The following TASP1 variants were observed in gnomAD, a reference collection of about 807,000 sequenced individuals.
The protein encoded by TASP1 is threonine aspartase 1.
TASP1 carries 16 observed loss-of-function variants against 56.6 expected under a neutral mutation model. That is an observed-to-expected ratio of 0.28 (90% confidence interval 0.19 to 0.43). The LOEUF (loss-of-function observed/expected upper bound fraction) is 0.43, where lower values mean the gene tolerates loss of function less well. Among genes scored for constraint, TASP1 ranks in the 20% least tolerant of loss-of-function variants. The probability of loss-of-function intolerance (pLI) is 1.00; values close to 1 mark genes in which losing one functional copy is unlikely to be tolerated. For synonymous variants in TASP1, 179 were observed against 184.2 expected, an observed-to-expected ratio of 0.97 and a Z score of 0.23; for missense variants, 393 against 511.6, an observed-to-expected ratio of 0.77 and a Z score of 2.24.
chr20:13,574,071 G>A (rs1441770590), intron 6 of TASP1, among the ~76,000 whole-genome samples: 1 of 151,814 alleles, frequency 6.6e-6, no homozygotes, highest in Non-Finnish European at 1.5e-5. Context: ...ATCAGTGAAT[G>A]TGTAAGAAGA....
chr20:13,104,980 G>T, the TASP1 span, among the ~76,000 whole-genome samples: 2 of 152,052 alleles, frequency 1.3e-5, no homozygotes, highest in African/African-American at 4.8e-5. Flanking sequence ...TAATGCAAGT[G>T]TAAGTGCCTT....
At chr20:13,129,681 C>T in the TASP1 span, among the ~76,000 whole-genome samples, 1 of 152,194 alleles carries the variant, frequency 6.6e-6, no homozygotes, top group Non-Finnish European at 1.5e-5. Flanking sequence ...GCAATCATGT[C>T]CTTCCCTCCT....
chr20:13,246,471 C>T, the TASP1 span, among the ~76,000 whole-genome samples: 1 of 152,180 alleles, frequency 6.6e-6, no homozygotes. Context: ...CTGTAGCTTA[C>T]TCCTCTGTTA....
At chr20:13,247,517 G>GTGTGTGT in the TASP1 span, among the ~76,000 whole-genome samples, 10 of 139,806 alleles carry the variant, frequency 7.2e-5, no homozygotes, top group African/African-American at 2.7e-4. Context: ...CAAAGTGAGG[G>GTGTGTGT]GTGTGTGTGT....
the TASP1 span, among the ~76,000 whole-genome samples, chr20:13,223,053 C>T: frequency 1.3e-5 from 2 of 152,040 alleles, no homozygotes; most frequent in Non-Finnish European, 2.9e-5. Flanking sequence ...GTCCCAGTTA[C>T]TCGGGAGGCT....
At chr20:13,178,728 T>G in the TASP1 span, among the ~76,000 whole-genome samples, 1 of 146,012 alleles carries the variant, frequency 6.8e-6, no homozygotes, top group Non-Finnish European at 1.5e-5. Flanking sequence ...AAGTAAAAAG[T>G]AAAACAAAAG....
At chr20:13,431,649 TA>T (rs1478184744) in intron 12 of TASP1, among the ~76,000 whole-genome samples, 4 of 152,168 alleles carry the variant, frequency 2.6e-5, no homozygotes, top group African/African-American at 9.7e-5. Context: ...AAGCGAATGC[TA>T]TAGGGTCTGA....
intron 12 of TASP1, among the ~76,000 whole-genome samples, chr20:13,424,162 G>GT (rs1009422308): frequency 7.9e-5 from 12 of 151,956 alleles, no homozygotes; most frequent in African/African-American, 1.9e-4. Context: ...ATCATTATAA[G>GT]TTTTTTTTAA....
the TASP1 span, among the ~76,000 whole-genome samples, chr20:13,193,439 G>A: frequency 6.6e-6 from 1 of 152,102 alleles, no homozygotes; most frequent in Non-Finnish European, 1.5e-5. Context: ...GAAAAAAAAG[G>A]ACTAAGTCAC....
the TASP1 span, among the ~76,000 whole-genome samples, chr20:13,377,691 T>C: frequency 6.6e-6 from 1 of 152,208 alleles, no homozygotes; most frequent in African/African-American, 2.4e-5. Flanking sequence ...CAGCTGTGAA[T>C]CCATCTGGTC....
the TASP1 span, among the ~76,000 whole-genome samples, chr20:13,354,781 G>A: frequency 2.0e-5 from 3 of 152,054 alleles, no homozygotes. Flanking sequence ...GGGTGATGGA[G>A]GGATCCGGCA....
chr20:13,274,350 T>A, the TASP1 span, among the ~76,000 whole-genome samples: 3 of 152,050 alleles, frequency 2.0e-5, no homozygotes, highest in Admixed American at 6.5e-5. Context: ...GCCGGCCCCG[T>A]CAAAGCATTC....
At chr20:13,596,676 T>A (rs2047744534) in intron 4 of TASP1, among the ~76,000 whole-genome samples, 1 of 152,028 alleles carries the variant, frequency 6.6e-6, no homozygotes, top group Non-Finnish European at 1.5e-5. Context: ...AAGAAATAAC[T>A]AAGTTTAGAG....
chr20:13,296,041 C>T, the TASP1 span, among the ~76,000 whole-genome samples: 1 of 152,166 alleles, frequency 6.6e-6, no homozygotes, highest in Non-Finnish European at 1.5e-5. Context: ...CATTTTTGGA[C>T]ACCCCTGGGG....
intron 5 of TASP1, among the ~76,000 whole-genome samples, chr20:13,582,184 G>T (rs1360225140): frequency 6.7e-6 from 1 of 149,634 alleles, no homozygotes; most frequent in East Asian, 1.9e-4. Context: ...AAACAATATA[G>T]TTCTAGATGT....
At chr20:13,454,379 C>T (rs1197621839) in intron 11 of TASP1, among the ~76,000 whole-genome samples, 3 of 152,102 alleles carry the variant, frequency 2.0e-5, no homozygotes, top group South Asian at 2.1e-4. Context: ...CTGGAGAGAC[C>T]TCCATGTCCC....
At chr20:13,486,748 G>A (rs1470914657) in intron 10 of TASP1, among the ~76,000 whole-genome samples, 2 of 152,126 alleles carry the variant, frequency 1.3e-5, no homozygotes, top group African/African-American at 2.4e-5. Flanking sequence ...TGTATCTCTT[G>A]ACAAAATCAT....
intron 10 of TASP1, among the ~76,000 whole-genome samples, chr20:13,505,220 T>C (rs2038165173): frequency 6.6e-6 from 1 of 152,138 alleles, no homozygotes; most frequent in South Asian, 2.1e-4. Context: ...ACCAAAAGGA[T>C]GTAACAATTG....
the TASP1 span, among the ~76,000 whole-genome samples, chr20:13,318,494 T>C: frequency 2.0e-5 from 3 of 152,180 alleles, no homozygotes; most frequent in Non-Finnish European, 4.4e-5. Flanking sequence ...CCCAAAAAAC[T>C]TGAAAAATTG....
Sources: allele counts gnomAD v4.1 joint callset (sites outside exome capture counted in the v4.1 genomes callset), GRCh38; gene constraint gnomAD v4.1.1; transcripts MANE v1.5; gene names NCBI Gene and HGNC (gene_info 2026-07-23, HGNC 2026-07-21).